The following PXDNL variants were observed in gnomAD, a reference collection of about 807,000 sequenced individuals.
PXDNL encodes peroxidasin like, also known as probable oxidoreductase PXDNL.
A neutral mutation model predicts 150.8 loss-of-function variants in PXDNL; 145 were observed. The observed-to-expected ratio is 0.96, with a 90% CI of 0.84 to 1.10. The LOEUF is 1.10. Among genes scored for constraint, PXDNL ranks in the 50% least tolerant of loss-of-function variants. The probability of loss-of-function intolerance (pLI) is 0.00; values close to 1 mark genes in which losing one functional copy is unlikely to be tolerated. For missense variants in PXDNL, 2,087 were observed against 1,873.9 expected (o/e 1.11, Z -2.10); for synonymous variants, 757 against 725.7 (o/e 1.04, Z -0.69).
intron 1 of PXDNL, among the ~76,000 whole-genome samples, chr8:51,684,475 A>G (rs112498821): frequency 0.036 from 5,415 of 152,134 alleles, 299 homozygotes; most frequent in African/African-American, 0.12. Context: ...CCAGAACCCA[A>G]CTCCATTTTA....
chr8:51,342,514 G>GA (rs200768907), intron 20 of PXDNL, among the ~76,000 whole-genome samples: 4,464 of 137,428 alleles, frequency 0.032, 212 homozygotes, highest in African/African-American at 0.13. Flanking sequence ...ATTTCTGATT[G>GA]AAAAAAAATT....
intron 1 of PXDNL, among the ~76,000 whole-genome samples, chr8:51,715,683 ACCC>A (rs1816602102): frequency 6.6e-6 from 1 of 152,084 alleles, no homozygotes; most frequent in Non-Finnish European, 1.5e-5. Context: ...TAATTTATTC[ACCC>A]TCCAAAGATC....
In PXDNL at chr8:51,426,691, T is replaced by G; in HGVS notation, c.1593A>C (p.Ser531=). Residue 531 remains serine (S), a synonymous_variant, in exon 13 of 23, where the codon TCA becomes TCC. Coordinates refer to ENST00000356297, the MANE Select transcript of PXDNL (RefSeq NM_144651.5). ...GCTGTGGTTCTCCTTGAGCATGACA[T>G]GAAATGTTTATATTCTTTCCAACCT... The part of the protein sequence containing the change: ...SVEVGKNINI[S]CHAQGEPQPI... 6.2e-7 allele frequency: 1 copy of G among 1,608,954 alleles called. No individual in the cohort carries two copies. Among genetic ancestry groups the G allele is most frequent in the Non-Finnish European group, 8.5e-7 (1 of 1,177,046 alleles).
At chr8:51,537,369 A>C (rs958092714) in intron 4 of PXDNL, among the ~76,000 whole-genome samples, 2 of 152,230 alleles carry the variant, frequency 1.3e-5, no homozygotes, top group African/African-American at 4.8e-5. Flanking sequence ...ATGACTTAGA[A>C]AAGGAAACTT....
At chr8:51,428,093 T>C (rs1473925144) in intron 12 of PXDNL, among the ~76,000 whole-genome samples, 4 of 152,180 alleles carry the variant, frequency 2.6e-5, no homozygotes, top group Non-Finnish European at 5.9e-5. Context: ...CATATGGACA[T>C]AGATCTTTTT....
In PXDNL at chr8:51,377,682, A is replaced by C. The variant is rs575178081; in HGVS notation, c.3558-2951T>G. Among the ~76,000 whole-genome samples, 7 of 152,286 alleles carry C rather than the reference A, an allele frequency of 4.6e-5. No homozygotes were observed. The East Asian group carries it at 1.4e-3, about 29-fold the overall frequency. ...CTGGGCCAGCAGCTGCGGAGGGTGC[A>C]CCGGGTCCCCCAGCAGTTCTGGCTG... On this transcript the variant is annotated intron_variant, in intron 17 of 22. Coordinates refer to ENST00000356297, the MANE Select transcript of PXDNL (RefSeq NM_144651.5).
chr8:51,468,894 C>T (rs1240517402), intron 8 of PXDNL, among the ~76,000 whole-genome samples: 2 of 150,008 alleles, frequency 1.3e-5, no homozygotes, highest in East Asian at 3.8e-4. Flanking sequence ...TTTTTTCTTA[C>T]TTTAAAGTTG....
intron 4 of PXDNL, among the ~76,000 whole-genome samples, chr8:51,541,041 C>T (rs1421155167): frequency 4.6e-5 from 7 of 151,734 alleles, no homozygotes; most frequent in Non-Finnish European, 8.8e-5. Flanking sequence ...ATGTGGATCA[C>T]AAGGTCAATA....
chr8:51,508,350 G>A (rs1206933536), intron 4 of PXDNL, among the ~76,000 whole-genome samples: 6 of 152,194 alleles, frequency 3.9e-5, no homozygotes, highest in Admixed American at 3.9e-4. Flanking sequence ...TTGAATTGTG[G>A]CTATGTCATG....
chr8:51,375,280 CAACA>C (rs971825112), intron 17 of PXDNL, among the ~76,000 whole-genome samples: 31 of 152,226 alleles, frequency 2.0e-4, no homozygotes, highest in Admixed American at 5.2e-4. Flanking sequence ...TTTTTAAAAA[CAACA>C]AACAAACAAA....
chr8:51,329,129 C>A (rs952794024), intron 21 of PXDNL, among the ~76,000 whole-genome samples: 1 of 152,166 alleles, frequency 6.6e-6, no homozygotes, highest in Non-Finnish European at 1.5e-5. Flanking sequence ...TTGTGAAAAT[C>A]ATAGCCTCAG....
intron 1 of PXDNL, among the ~76,000 whole-genome samples, chr8:51,689,815 G>A (rs999558347): frequency 4.6e-5 from 7 of 152,190 alleles, no homozygotes; most frequent in African/African-American, 1.4e-4. Flanking sequence ...GTTCCACTGA[G>A]GCACAGTGTG....
intron 19 of PXDNL, among the ~76,000 whole-genome samples, chr8:51,369,570 T>G (rs376094682): frequency 6.6e-6 from 1 of 152,086 alleles, no homozygotes; most frequent in African/African-American, 2.4e-5. Flanking sequence ...AACATTACAT[T>G]AGGATTGGAA....
In PXDNL at chr8:51,546,945, C is replaced by T. The variant is rs182682015; in HGVS notation, c.380+9895G>A. Among the ~76,000 whole-genome samples, 967 of 147,104 alleles carry T rather than the reference C, an allele frequency of 6.6e-3. 7 individuals are homozygous for T. The highest frequency in any genetic ancestry group is 0.01 in the Admixed American group (151 of 15,044). ...TCATAATCCCCCTTGGAACATAACT[C>T]CATTGGCCAAAGAACCACCCGCTCA... is the stretch of plus-strand genomic sequence containing the variant. On this transcript the variant is annotated intron_variant, in intron 4 of 22. Transcript: ENST00000356297.
intron 3 of PXDNL, 104 bp from the exon 4 acceptor site, chr8:51,557,015 T>A (rs1812614777): frequency 1.5e-6 from 1 of 660,936 alleles, no homozygotes; most frequent in East Asian, 2.7e-5. Flanking sequence ...AGGAGCTTTG[T>A]GGGATGTCCA....
At chr8:51,710,066 A>G (rs1325478207) in intron 1 of PXDNL, among the ~76,000 whole-genome samples, 2 of 152,342 alleles carry the variant, frequency 1.3e-5, no homozygotes, top group African/African-American at 4.8e-5. Context: ...TAAACTTTGA[A>G]AAAAGAGATA....
intron 1 of PXDNL, among the ~76,000 whole-genome samples, chr8:51,722,888 G>C (rs1585701913): frequency 6.6e-6 from 1 of 152,092 alleles, no homozygotes; most frequent in East Asian, 1.9e-4. Context: ...AGGGCCATGG[G>C]TTTCCAAGCT....
chr8:51,582,826 G>A (rs1011432309), intron 3 of PXDNL, among the ~76,000 whole-genome samples: 2 of 151,846 alleles, frequency 1.3e-5, no homozygotes, highest in South Asian at 2.1e-4. Flanking sequence ...TGCTTGGGAC[G>A]GCCTAGGTTT....
intron 1 of PXDNL, among the ~76,000 whole-genome samples, chr8:51,663,357 T>TC (rs1420304708): frequency 6.6e-6 from 1 of 152,174 alleles, no homozygotes; most frequent in Non-Finnish European, 1.5e-5. Context: ...TAGTACAATT[T>TC]CCCCCTCATT....
Sources: gnomAD v4.1 joint callset for allele counts (sites outside exome capture counted in the v4.1 genomes callset) on GRCh38, gnomAD v4.1.1 for gene constraint, MANE v1.5 for transcripts, NCBI Gene and HGNC (gene_info 2026-07-23, HGNC 2026-07-21) for gene names.